GAB3: variants seen among roughly 807,000 people sequenced by gnomAD.
GAB3 encodes GRB2-associated-binding protein 3.
In GAB3, 12 loss-of-function variants were observed where a neutral mutation model predicts 40.4. That is an observed-to-expected ratio of 0.30 (90% CI 0.19 to 0.48). The LOEUF (loss-of-function observed/expected upper bound fraction) is 0.48, where lower values mean the gene tolerates loss of function less well. Ranked by LOEUF, GAB3 falls within the 20% of genes least tolerant of loss-of-function variation. The pLI is 0.99. For missense variants in GAB3, 381 were observed against 461.9 expected, an observed-to-expected ratio of 0.82 and a Z score of 1.61; for synonymous variants, 154 against 176.7, an observed-to-expected ratio of 0.87 and a Z score of 1.02.
intron 6 of GAB3, among the ~76,000 whole-genome samples, chrX:154,698,511 C>CT (rs202192736): frequency 0.028 from 3,096 of 112,005 alleles, 103 homozygotes; most frequent in African/African-American, 0.094. Context: ...CCTGAAGTGA[C>CT]TTTTTTTGCT....
chrX:154,688,372 C>T (rs937326628), intron 8 of GAB3, among the ~76,000 whole-genome samples: 1 of 109,011 alleles, frequency 9.2e-6, no homozygotes, highest in Non-Finnish European at 1.9e-5. Flanking sequence ...CTCTGCCTCC[C>T]GGGTTCAAGC....
chrX:154,699,096 C>T (rs2070702163), intron 6 of GAB3, among the ~76,000 whole-genome samples, 198 bp downstream of exon 6: 1 of 111,441 alleles, frequency 9.0e-6, no homozygotes, highest in Non-Finnish European at 1.9e-5. Context: ...AGTCTCCTGA[C>T]TCCTATTATC....
At chrX:154,744,634 T>TAA (rs2071499225) in intron 1 of GAB3, among the ~76,000 whole-genome samples, 2 of 112,084 alleles carry the variant, frequency 1.8e-5, no homozygotes, top group Non-Finnish European at 3.8e-5. Flanking sequence ...AGAGTAAAAG[T>TAA]GAACAGAAAA....
At chrX:154,743,796 G>A (rs955638653) in intron 1 of GAB3, among the ~76,000 whole-genome samples, 2 of 111,983 alleles carry the variant, frequency 1.8e-5, no homozygotes, top group African/African-American at 6.5e-5. Flanking sequence ...AGAGAAGGCA[G>A]AAACTGAGGA....
At chrX:154,724,852 A>C (rs1290443463) in intron 1 of GAB3, among the ~76,000 whole-genome samples, 3 of 112,073 alleles carry the variant, frequency 2.7e-5, no homozygotes, top group African/African-American at 9.7e-5. Flanking sequence ...CAAAGGTGCG[A>C]GTACCTGCAA....
chrX:154,685,819 T>C (rs782342794), intron 8 of GAB3, among the ~76,000 whole-genome samples: 2 of 112,150 alleles, frequency 1.8e-5, no homozygotes, highest in East Asian at 2.8e-4. Context: ...CAGTAAATGA[T>C]AGTCATTTTA....
At chrX:154,747,048 C>T (rs782315177) in intron 1 of GAB3, among the ~76,000 whole-genome samples, 21 of 112,404 alleles carry the variant, frequency 1.9e-4, no homozygotes, top group African/African-American at 6.5e-4. Context: ...TCTTGTCGCC[C>T]AGGCTGGAGT....
chrX:154,748,702 GT>G (rs1268112843), intron 1 of GAB3, among the ~76,000 whole-genome samples: 1 of 112,030 alleles, frequency 8.9e-6, no homozygotes, highest in Non-Finnish European at 1.9e-5. Context: ...TATTGTCCTG[GT>G]TGTGCCAATA....
At position 154,731,531 on chromosome X, in the gene GAB3, T is replaced by C. The variant is rs782434847; in HGVS notation, c.73-15202A>G. On this transcript the variant is annotated intron_variant, in intron 1 of 9. Coordinates refer to ENST00000424127, the MANE Select transcript of GAB3 (RefSeq NM_001081573.3). Reference sequence around the variant, plus strand: ...ACACAACATTATGAAGGTACAGTAGTTAATGCCACTGAACTGTCCCCTTAC... The same window carrying C: ...ACACAACATTATGAAGGTACAGTAGCTAATGCCACTGAACTGTCCCCTTAC... Among the ~76,000 whole-genome samples the C allele has an allele frequency of 7.1e-5, 8 of 112,050 alleles. No homozygotes were observed. In the East Asian group the frequency reaches 2.2e-3, roughly 31 times the overall value.
intron 4 of GAB3, among the ~76,000 whole-genome samples, chrX:154,709,815 G>C (rs1277795438): frequency 9.0e-6 from 1 of 111,699 alleles, no homozygotes; most frequent in East Asian, 2.8e-4. Context: ...ACCAGGATGA[G>C]ATTATGTTCA....
intron 1 of GAB3, among the ~76,000 whole-genome samples, chrX:154,740,822 C>A (rs782700871): frequency 8.9e-6 from 1 of 112,457 alleles, no homozygotes; most frequent in East Asian, 2.8e-4. Flanking sequence ...ACTGTTCAAT[C>A]TGGAACAGAA....
chrX:154,713,774 T>C (rs1264436372), intron 2 of GAB3, among the ~76,000 whole-genome samples: 3 of 79,342 alleles, frequency 3.8e-5, no homozygotes, highest in African/African-American at 9.3e-5. Context: ...TATATATATA[T>C]ATATATATAT....
chrX:154,696,528 T>C (rs2070661550), intron 7 of GAB3, among the ~76,000 whole-genome samples: 1 of 110,966 alleles, frequency 9.0e-6, no homozygotes. Flanking sequence ...GCATTTAGAG[T>C]GAACCGAGAA....
intron 8 of GAB3, among the ~76,000 whole-genome samples, chrX:154,691,494 T>C (rs1297541438): frequency 8.9e-6 from 1 of 111,923 alleles, no homozygotes; most frequent in African/African-American, 3.2e-5. Context: ...CAAAGACTTA[T>C]ACATTGAAAA....
At chrX:154,734,131 A>G (rs2071332741) in intron 1 of GAB3, among the ~76,000 whole-genome samples, 1 of 112,686 alleles carries the variant, frequency 8.9e-6, no homozygotes, top group African/African-American at 3.2e-5. Context: ...GTTAGCACTA[A>G]AAGCCACAAT....
chrX:154,713,318 G>A lies in GAB3; in HGVS notation c.485C>T (p.Pro162Leu). The A allele has an allele frequency of 8.3e-7, 1 of 1,210,342 alleles. No individual in the cohort carries two copies. The highest frequency in any genetic ancestry group is 1.1e-6 in the Non-Finnish European group (1 of 894,663). Reference protein sequence around the residue: ...AASSSLPRDDPNTNAVATEET... With the variant: ...AASSSLPRDDLNTNAVATEET... ...CTCAGTGGCTACGGCATTAGTGTTT[G>A]GGTCATCTCTTGGCAAAGAGGAGCT... The change falls in exon 3 of 10, where the codon CCA becomes CTA. Residue 162 changes from proline to leucine, a missense_variant. Physicochemically the swap from Pro to Leu is moderately conservative, Grantham distance 98. This residue lies in a region of GAB3 where 364 missense variants were observed against 421.0 expected (regional missense o/e 0.86). Transcript: ENST00000424127.
intron 1 of GAB3, among the ~76,000 whole-genome samples, chrX:154,748,903 A>T (rs915652808): frequency 4.1e-4 from 46 of 111,987 alleles, no homozygotes; most frequent in African/African-American, 1.5e-3. Context: ...GTGACACATG[A>T]TCACCATCTA....
At chrX:154,732,004 C>A (rs1316685282) in intron 1 of GAB3, among the ~76,000 whole-genome samples, 1 of 111,726 alleles carries the variant, frequency 9.0e-6, no homozygotes, top group Non-Finnish European at 1.9e-5. Context: ...GAAATCAGAT[C>A]GTCTGCTTCG....
chrX:154,716,084 C>G lies in GAB3; in HGVS notation c.318G>C (p.Gln106His), dbSNP rs1557257563. Residue 106 changes from glutamine to histidine, a missense_variant, in exon 2 of 10, where the codon CAG becomes CAC. Around this residue, in one of 2 missense-constraint regions of GAB3, gnomAD observed 364 missense variants for 421.0 expected, o/e 0.86. Transcript: ENST00000424127. ...CCTGACTGATGCTGTGCACCCACAC[C>G]TGCATTTCTTGCTCAGTTTTGGCCA... ...YLVAKTEQEM[Q>H]VWVHSISQVC... The G allele has an allele frequency of 3.0e-5, 36 of 1,212,326 alleles. No individual in the cohort carries two copies. Among genetic ancestry groups the G allele is most frequent in the Non-Finnish European group, 4.0e-5 (36 of 895,561 alleles).
Sources: gnomAD v4.1 joint callset for allele counts (sites outside exome capture counted in the v4.1 genomes callset) on GRCh38, gnomAD v4.1.1 for gene constraint, gnomAD v4.1.1 regional missense constraint, MANE v1.5 for transcripts, NCBI Gene and HGNC (gene_info 2026-07-23, HGNC 2026-07-21) for gene names.